RNF7: variants seen among roughly 807,000 people sequenced by gnomAD.
RNF7 encodes RING-box protein 2.
A neutral mutation model predicts 17.0 loss-of-function variants in RNF7; 9 were observed. That is an observed-to-expected ratio of 0.53 (90% confidence interval 0.32 to 0.92). RNF7 has a LOEUF of 0.92. Among genes scored for constraint, RNF7 ranks in the 40% least tolerant of loss-of-function variants. RNF7 has a pLI of 0.04. For missense variants in RNF7, 87 were observed against 145.8 expected (o/e 0.60, Z 2.08); for synonymous variants, 59 against 50.5 (o/e 1.17, Z -0.72).
At chr3:141,745,065 A>G (rs2084457962) in intron 2 of RNF7, 94 bp from the exon 3 acceptor site, 2 of 764,206 alleles carry the variant, frequency 2.6e-6, no homozygotes, top group Non-Finnish European at 2.1e-6. Flanking sequence ...TCTTTTTTCA[A>G]GATTATTATT....
At chr3:141,743,407 A>G in intron 1 of RNF7, 102 bp from the exon 2 acceptor site, 1 of 788,012 alleles carries the variant, frequency 1.3e-6, no homozygotes. Context: ...ATGAGTCTTT[A>G]TTGCCATCCC....
At position 141,745,273 on chromosome 3, in the gene RNF7, A is replaced by G; in HGVS notation, c.338A>G (p.Lys113Arg). The G allele has an allele frequency of 6.2e-7, 1 of 1,607,102 alleles. No individual in the cohort carries two copies. The highest frequency in any genetic ancestry group is 8.5e-7 in the Non-Finnish European group (1 of 1,175,454). Reference sequence around the variant, plus strand: ...GACTGGGTGGTCCAAAGAATCGGCAAATGAGAGTGGTTAGAAGGCTTCTTA... The same window carrying G: ...GACTGGGTGGTCCAAAGAATCGGCAGATGAGAGTGGTTAGAAGGCTTCTTA... ...QQDWVVQRIGK is the reference protein window; with the variant it reads ...QQDWVVQRIGR Residue 113 changes from lysine to arginine, a missense_variant, in exon 3 of 3, where the codon AAA becomes AGA. By Grantham distance (26) the Lys-to-Arg change is conservative. Transcript: ENST00000273480.
intron 2 of RNF7, among the ~76,000 whole-genome samples, chr3:141,744,332 C>CT (rs1294897823): frequency 6.6e-6 from 1 of 151,930 alleles, no homozygotes; most frequent in East Asian, 1.9e-4. Flanking sequence ...GCATTTTTTT[C>CT]TTTTTTTCTG....
chr3:141,745,109 G>T, intron 2 of RNF7, 50 bp from the exon 3 acceptor site: 1 of 1,170,962 alleles, frequency 8.5e-7, no homozygotes, highest in East Asian at 2.4e-5. Flanking sequence ...TTTGAGTTCA[G>T]TGTTTAAATT....
chr3:141,745,152 C>T lies in RNF7; in HGVS notation c.224-7C>T, dbSNP rs1294721081. ...GTAATGTCAACTCTTCTTTTTCTTT[C>T]TTTCAGTGGTCTGGGGAGAATGTAA... On this transcript the variant is annotated splice_polypyrimidine_tract_variant and splice_region_variant and intron_variant, in intron 2 of 2. Transcript: ENST00000273480. The T allele has an allele frequency of 1.4e-5, 22 of 1,578,622 alleles. No homozygotes were observed. Among genetic ancestry groups the T allele is most frequent in the Non-Finnish European group, 1.7e-5 (20 of 1,153,892 alleles).
Position 141,745,991 on chromosome 3 carries a change from T to G in RNF7, c.*714T>G, listed in dbSNP as rs1484251305. 1 of 148,462 alleles carries G rather than the reference T, an allele frequency of 6.7e-6. No individual in the cohort carries two copies. Among genetic ancestry groups the G allele is most frequent in the Non-Finnish European group, 1.5e-5 (1 of 66,958 alleles). 9.2% of individuals were successfully genotyped at this position (148,462 alleles called of 1,614,324 possible). A position where few individuals can be genotyped will look rare whatever the true frequency, so the allele number is the denominator to read the frequency against. On this transcript the variant is annotated 3_prime_UTR_variant, in exon 3 of 3. Coordinates refer to ENST00000273480, the MANE Select transcript of RNF7 (RefSeq NM_014245.5). ...TGATATAATTTTTTTTTTTTTTTTTTGTGGGGGTGAAGTCTTGCTCTGCCA... is the reference window on the plus strand; with the variant it reads ...TGATATAATTTTTTTTTTTTTTTTTGGTGGGGGTGAAGTCTTGCTCTGCCA...
At chr3:141,741,935 C>T (rs1182224482) in intron 1 of RNF7, among the ~76,000 whole-genome samples, 3 of 151,724 alleles carry the variant, frequency 2.0e-5, no homozygotes, top group Non-Finnish European at 4.4e-5. Flanking sequence ...AAGACTTTAC[C>T]ATTGTTGGGT....
In RNF7 at chr3:141,746,773, G is replaced by T. The variant is rs1265980387; in HGVS notation, c.*1496G>T. The T allele has an allele frequency of 2.0e-5, 3 of 152,090 alleles. No individual in the cohort carries two copies. Among genetic ancestry groups the T allele is most frequent in the African/African-American group, 7.2e-5 (3 of 41,426 alleles). The allele number at this position is 152,090 out of a possible 1,614,324, so 9.4% of individuals were successfully genotyped here. On this transcript the variant is annotated 3_prime_UTR_variant, in exon 3 of 3. Transcript: ENST00000273480. ...AGAATGTTTAAAAAGATAACAATTA[G>T]AATGAAAAATTAAAATTATGTATGC... is the stretch of plus-strand genomic sequence containing the variant.
At chr3:141,742,105 A>C (rs111369760) in intron 1 of RNF7, among the ~76,000 whole-genome samples, 2 of 151,568 alleles carry the variant, frequency 1.3e-5, no homozygotes, top group African/African-American at 4.9e-5. Context: ...TATTGAGCCT[A>C]GTACCCATTA....
At chr3:141,740,087 C>A (rs1429662506) in intron 1 of RNF7, among the ~76,000 whole-genome samples, 5 of 151,880 alleles carry the variant, frequency 3.3e-5, no homozygotes, top group African/African-American at 1.2e-4. Flanking sequence ...AGTTTATTTG[C>A]CAGCAATACA....
Position 141,746,735 on chromosome 3 carries a change from G to A in RNF7, c.*1458G>A, listed in dbSNP as rs1041741110. The A allele has an allele frequency of 2.0e-5, 3 of 152,096 alleles. No individual in the cohort carries two copies. The highest frequency in any genetic ancestry group is 7.2e-5 in the African/African-American group (3 of 41,418). 9.4% of individuals were successfully genotyped at this position (152,096 alleles called of 1,614,324 possible). On this transcript the variant is annotated 3_prime_UTR_variant, in exon 3 of 3. Transcript: ENST00000273480. The stretch of plus-strand genomic sequence containing the variant: ...CCATTCTGAATTTTTCAATCTAAGG[G>A]ATGTGGATACATAGAATGTTTAAAA...
At chr3:141,744,037 T>A (rs942072996) in intron 2 of RNF7, among the ~76,000 whole-genome samples, 1 of 152,206 alleles carries the variant, frequency 6.6e-6, no homozygotes, top group Non-Finnish European at 1.5e-5. Context: ...AGTCTTAGAC[T>A]ACAAAAGTTG....
Position 141,738,369 on chromosome 3 carries a change from A to G in RNF7, c.28A>G (p.Thr10Ala), listed in dbSNP as rs1392125545. 1.3e-6 allele frequency: 2 copies of G among 1,587,752 alleles called. No homozygotes were observed. The highest frequency in any genetic ancestry group is 1.7e-6 in the Non-Finnish European group (2 of 1,167,608). Residue 10 changes from threonine (T) to alanine (A), a missense_variant, in exon 1 of 3, where the codon ACC (threonine) becomes GCC (alanine). Coordinates refer to ENST00000273480, the MANE Select transcript of RNF7 (RefSeq NM_014245.5). MADVEDGEE[T>A]CALASHSGSS... ...GGCCGACGTGGAAGACGGAGAGGAA[A>G]CCTGCGCCCTGGCCTCTCACTCCGG...
chr3:141,745,401 G>T lies in RNF7; in HGVS notation c.*124G>T. The T allele has an allele frequency of 1.7e-6, 1 of 596,312 alleles. No homozygotes were observed. Among genetic ancestry groups the T allele is most frequent in the Non-Finnish European group, 3.0e-6 (1 of 332,646 alleles). The allele number at this position is 596,312 out of a possible 1,614,324, so 36.9% of individuals were successfully genotyped here. On this transcript the variant is annotated 3_prime_UTR_variant, in exon 3 of 3. Transcript: ENST00000273480. ...TTCAAATAGGAGCCGATGGATCTGTGGTCCTTTGGGACTCATCAAAGCCTT... is the reference window on the plus strand; with the variant it reads ...TTCAAATAGGAGCCGATGGATCTGTTGTCCTTTGGGACTCATCAAAGCCTT...
chr3:141,741,334 T>C (rs560428461), intron 1 of RNF7, among the ~76,000 whole-genome samples: 33 of 152,266 alleles, frequency 2.2e-4, no homozygotes, highest in African/African-American at 7.9e-4. Flanking sequence ...CCCCAGTGCA[T>C]AACTCCTTGC....
chr3:141,742,879 T>A, intron 1 of RNF7: 1 of 1,102,716 alleles, frequency 9.1e-7, no homozygotes, highest in Non-Finnish European at 1.1e-6. Flanking sequence ...TTGCTTCTTA[T>A]GAGTTGCTAA....
chr3:141,739,510 C>T (rs1468275689), intron 1 of RNF7, among the ~76,000 whole-genome samples: 1 of 152,196 alleles, frequency 6.6e-6, no homozygotes, highest in African/African-American at 2.4e-5. Flanking sequence ...ATGAGACCCT[C>T]TTCAGTGGAA....
chr3:141,741,667 CT>C (rs1159786189), intron 1 of RNF7, among the ~76,000 whole-genome samples: 1 of 152,118 alleles, frequency 6.6e-6, no homozygotes, highest in Non-Finnish European at 1.5e-5. Flanking sequence ...TTCTATATTA[CT>C]TTTTTCATTA....
chr3:141,738,338 C>G lies in RNF7; in HGVS notation c.-4C>G. ...GTCTCCGCCGTCGGCTCCGCGGCGCCGCCATGGCCGACGTGGAAGACGGAG... is the reference window on the plus strand; with the variant it reads ...GTCTCCGCCGTCGGCTCCGCGGCGCGGCCATGGCCGACGTGGAAGACGGAG... On this transcript the variant is annotated 5_prime_UTR_variant, in exon 1 of 3. Coordinates refer to ENST00000273480, the MANE Select transcript of RNF7 (RefSeq NM_014245.5). The G allele has an allele frequency of 6.4e-7, 1 of 1,561,714 alleles. No homozygotes were observed. The highest frequency in any genetic ancestry group is 2.4e-5 in the East Asian group (1 of 41,534).
Sources: allele counts gnomAD v4.1 joint callset (sites outside exome capture counted in the v4.1 genomes callset), GRCh38; gene constraint gnomAD v4.1.1; transcripts MANE v1.5; gene names NCBI Gene and HGNC (gene_info 2026-07-23, HGNC 2026-07-21).